The following BRSK2 variants were observed in gnomAD, a reference collection of about 807,000 sequenced individuals.
The protein encoded by BRSK2 is serine/threonine-protein kinase BRSK2.
Under a neutral mutation model 83.3 loss-of-function variants are expected in BRSK2, and 19 were observed. The observed-to-expected ratio is 0.23, with a 90% CI of 0.16 to 0.33. BRSK2 has a LOEUF of 0.33. BRSK2 is among the 10% of genes least tolerant of loss of function. BRSK2 has a pLI of 1.00. For synonymous variants in BRSK2, 519 were observed against 435.4 expected, an observed-to-expected ratio of 1.19 and a Z score of -2.39; for missense variants, 798 against 1,042.3, an observed-to-expected ratio of 0.77 and a Z score of 3.23.
chr11:1,452,610 C>T (rs1032393113), intron 15 of BRSK2, among the ~76,000 whole-genome samples: 1 of 151,608 alleles, frequency 6.6e-6, no homozygotes, highest in African/African-American at 2.4e-5. Flanking sequence ...CCCACAGCCC[C>T]ACCCAAGGGC....
chr11:1,426,929 G>T (rs1387731487), intron 1 of BRSK2, among the ~76,000 whole-genome samples: 2 of 152,072 alleles, frequency 1.3e-5, no homozygotes, highest in Admixed American at 1.3e-4. Flanking sequence ...TGCGGGAGAT[G>T]GGGGGGCGGC....
chr11:1,423,019 A>G lies in BRSK2; in HGVS notation c.92-13021A>G, dbSNP rs1053606640. ...AAGGGAACAGAGCTTTGCGAAGATC[A>G]AGGGGAGGGCAATGCAGCTTGGGAG... On this transcript the variant is annotated intron_variant, in intron 1 of 19. Coordinates refer to ENST00000528841, the MANE Select transcript of BRSK2 (RefSeq NM_001256627.2). This position sits in a 1 kb window ranked among gnomAD's most constrained non-coding sequence, Gnocchi z 6.5. Among the ~76,000 whole-genome samples, 3 of 152,190 alleles carry G rather than the reference A, an allele frequency of 2.0e-5. No homozygotes were observed. The highest frequency in any genetic ancestry group is 7.2e-5 in the African/African-American group (3 of 41,444).
intron 1 of BRSK2, among the ~76,000 whole-genome samples, chr11:1,424,547 AGAAGGG>A (rs1848982949): frequency 1.3e-5 from 2 of 152,138 alleles, no homozygotes; most frequent in African/African-American, 2.4e-5. Flanking sequence ...CATCTAAAGG[AGAAGGG>A]TCCAGGACCC....
chr11:1,427,520 C>T (rs1054843168), intron 1 of BRSK2, among the ~76,000 whole-genome samples: 5 of 152,192 alleles, frequency 3.3e-5, no homozygotes, highest in African/African-American at 1.2e-4. Flanking sequence ...TGGGGCTCCA[C>T]ATGCCCAGGC....
intron 1 of BRSK2, among the ~76,000 whole-genome samples, chr11:1,426,667 T>G (rs1208037219): frequency 6.6e-6 from 1 of 152,110 alleles, no homozygotes; most frequent in Non-Finnish European, 1.5e-5. Flanking sequence ...TGTGTGACTC[T>G]CACCTGTGAG....
intron 19 of BRSK2, 134 bp from the exon 20 acceptor site, chr11:1,460,366 C>T: frequency 1.9e-6 from 2 of 1,039,586 alleles, no homozygotes; most frequent in Non-Finnish European, 2.6e-6. Context: ...TGGGTTCTTT[C>T]CCTCGTCGAG....
intron 1 of BRSK2, chr11:1,411,307 G>C: frequency 5.2e-6 from 7 of 1,341,360 alleles, no homozygotes; most frequent in Non-Finnish European, 6.7e-6. Flanking sequence ...GGCCTGCCCG[G>C]GTGGGGTCCT....
At chr11:1,419,411 C>T (rs992925877) in intron 1 of BRSK2, among the ~76,000 whole-genome samples, 1 of 152,208 alleles carries the variant, frequency 6.6e-6, no homozygotes, top group African/African-American at 2.4e-5. Context: ...GGTGGTCTCT[C>T]TATGTCTTTC....
At chr11:1,402,280 C>T (rs1475211302) in intron 1 of BRSK2, among the ~76,000 whole-genome samples, 1 of 152,212 alleles carries the variant, frequency 6.6e-6, no homozygotes, top group Non-Finnish European at 1.5e-5. Context: ...CTGGAGCGCA[C>T]TCCTGGGAGC....
intron 18 of BRSK2, among the ~76,000 whole-genome samples, chr11:1,457,978 C>T (rs556161190): frequency 1.1e-4 from 16 of 152,290 alleles, no homozygotes; most frequent in East Asian, 3.9e-4. Context: ...CGCAGGTACA[C>T]GTGGCGCTTC....
At chr11:1,411,864 G>A (rs1296894578) in intron 1 of BRSK2, among the ~76,000 whole-genome samples, 7 of 152,180 alleles carry the variant, frequency 4.6e-5, no homozygotes, top group East Asian at 1.9e-4. Context: ...CCTGGCATCC[G>A]GGCCCTCATC....
rs566337775 is a variant in BRSK2, at chr11:1,429,403, CAG to C, written c.92-6636_92-6635del. 3.0e-4 allele frequency among the ~76,000 whole-genome samples: 46 copies of C among 151,068 alleles called. 1 individual carries two copies. Among genetic ancestry groups the C allele is most frequent in the East Asian group, 9.7e-4 (5 of 5,156 alleles). On this transcript the variant is annotated intron_variant, in intron 1 of 19. Coordinates refer to ENST00000528841, the MANE Select transcript of BRSK2 (RefSeq NM_001256627.2). ...GGTGTGTGTGCACTGAGTGTAGGCA[CAG>C]GGGTGTGCACGCATGGAGGTATGCA...
chr11:1,411,713 C>T (rs1325136761), intron 1 of BRSK2: 2 of 1,521,902 alleles, frequency 1.3e-6, no homozygotes, highest in East Asian at 2.5e-5. Context: ...GCCCCCACGG[C>T]AGGGACGGGG....
rs1325467013 is a variant in BRSK2 at position 1,456,650 on chromosome 11, G to A, written c.1902G>A (p.Leu634=). The A allele has an allele frequency of 6.2e-7, 1 of 1,609,868 alleles. No homozygotes were observed. Among genetic ancestry groups the A allele is most frequent in the African/African-American group, 1.3e-5 (1 of 74,932 alleles). The part of the protein sequence containing the change: ...RVVETIQAQL[L]STHDPPAAQH... ...TGGAGACCATCCAGGCCCAGCTGCT[G>A]AGCACACACGACCCGCCTGCGGCCC... The change falls in exon 18 of 20, where the codon CTG becomes CTA. Residue 634 remains leucine (L), a synonymous_variant. Transcript: ENST00000528841.
Position 1,460,704 on chromosome 11 carries a change from C to A in BRSK2, c.2192C>A (p.Ala731Asp). The A allele has an allele frequency of 1.4e-6, 2 of 1,465,826 alleles. No individual in the cohort carries two copies. The highest frequency in any genetic ancestry group is 1.8e-6 in the Non-Finnish European group (2 of 1,101,048). The allele number at this position is 1,465,826 out of a possible 1,614,324, so 90.8% of individuals were successfully genotyped here. A position where few individuals can be genotyped will look rare whatever the true frequency, so the allele number is the denominator to read the frequency against. ...KDTAKMGPPTARREQP is the reference protein window; with the variant it reads ...KDTAKMGPPTDRREQP ...ACGGCCAAGATGGGCCCGCCCACCG[C>A]CCGCCGCGAGCAGCCTTAGACACAC... Residue 731 changes from alanine (A) to aspartate (D), a missense_variant, in exon 20 of 20, where the codon GCC (alanine) becomes GAC (aspartate). By Grantham distance (126) the Ala-to-Asp change is moderately radical (BLOSUM62 -2). This residue lies in a region of BRSK2 where 455 missense variants were observed against 455.2 expected (regional missense o/e 1.00). Coordinates refer to ENST00000528841, the MANE Select transcript of BRSK2 (RefSeq NM_001256627.2).
chr11:1,400,066 C>T (rs1483710613), intron 1 of BRSK2, among the ~76,000 whole-genome samples: 1 of 152,250 alleles, frequency 6.6e-6, no homozygotes, highest in African/African-American at 2.4e-5. Flanking sequence ...GGGCCGTTAT[C>T]ACCCTGAGAA....
chr11:1,456,259 T>C, intron 16 of BRSK2, 89 bp from the exon 17 acceptor site: 4 of 1,342,762 alleles, frequency 3.0e-6, no homozygotes, highest in Non-Finnish European at 4.0e-6. Flanking sequence ...GTGTGCACGG[T>C]GGGGCTGGCT....
chr11:1,443,689 C>T lies in BRSK2; in HGVS notation c.780+54C>T, dbSNP rs986186109. On this transcript the variant is annotated intron_variant, in intron 8 of 19. Coordinates refer to ENST00000528841, the MANE Select transcript of BRSK2 (RefSeq NM_001256627.2). ...AGAGCGTGGCGGGGGGGCGCGGGGG[C>T]GGGCGTGTGCCTGTGTGTGCACAGG... is the stretch of plus-strand genomic sequence containing the variant. 1.1e-5 allele frequency: 17 copies of T among 1,481,172 alleles called. No homozygotes were observed. In the East Asian group the frequency reaches 1.2e-4, roughly 11 times the overall value. 91.8% of individuals were successfully genotyped at this position (1,481,172 alleles called of 1,614,324 possible). A position where few individuals can be genotyped will look rare whatever the true frequency, so the allele number is the denominator to read the frequency against.
Position 1,461,230 on chromosome 11 carries a change from C to A in BRSK2, c.*507C>A. On this transcript the variant is annotated 3_prime_UTR_variant, in exon 20 of 20. Coordinates refer to ENST00000528841, the MANE Select transcript of BRSK2 (RefSeq NM_001256627.2). ...CTGACCCCTCAGCAAGAACAGCCTG[C>A]CTGGTGGCCTTCTGGGGCCAGGACC... 1.7e-6 allele frequency: 1 copy of A among 605,062 alleles called. No homozygotes were observed. Among genetic ancestry groups the A allele is most frequent in the Non-Finnish European group, 2.8e-6 (1 of 358,298 alleles). The allele number at this position is 605,062 out of a possible 1,614,324, so 37.5% of individuals were successfully genotyped here.
Sources: allele counts gnomAD v4.1 joint callset (sites outside exome capture counted in the v4.1 genomes callset), GRCh38; gene constraint gnomAD v4.1.1; regional missense constraint gnomAD v4.1.1; non-coding constraint Gnocchi (gnomAD v3.1); transcripts MANE v1.5; gene names NCBI Gene and HGNC (gene_info 2026-07-23, HGNC 2026-07-21).